The following GNG12 variants were observed in gnomAD, a reference collection of about 807,000 sequenced individuals.
GNG12 encodes the protein G protein subunit gamma 12, also known as guanine nucleotide-binding protein G(I)/G(S)/G(O) subunit gamma-12.
For synonymous variants in GNG12, 28 were observed against 29.7 expected (o/e 0.94, Z 0.19); for missense variants, 69 against 83.8 (o/e 0.82, Z 0.69).
In GNG12 at chr1:67,808,573, C is replaced by A. The variant is rs183623682; in HGVS notation, c.-77+24771G>T. 3.1e-3 allele frequency among the ~76,000 whole-genome samples: 479 copies of A among 152,146 alleles called. 3 individuals are homozygous for A. The highest frequency in any genetic ancestry group is 0.011 in the African/African-American group (468 of 41,538). ...ATCTGAAAAAACTGACAAAAAGATT[C>A]CTGGAACTAGTGAGAAATAATAGCA... On this transcript the variant is annotated intron_variant, in intron 1 of 3. Transcript: ENST00000370982.
chr1:67,830,232 C>T (rs2249990), intron 1 of GNG12, among the ~76,000 whole-genome samples: 46,082 of 151,926 alleles, frequency 0.3, 7,063 homozygotes, highest in Admixed American at 0.35. Context: ...CTTGAACTCC[C>T]GACCTCAGGT....
rs1459094935 is a variant in GNG12 at position 67,701,511 on chromosome 1, GGA to G, written c.*3938_*3939del. The G allele has an allele frequency of 2.6e-5, 4 of 152,636 alleles. No homozygotes were observed. The highest frequency in any genetic ancestry group is 9.7e-5 in the African/African-American group (4 of 41,448). The allele number at this position is 152,636 out of a possible 1,614,324, so 9.5% of individuals were successfully genotyped here. The stretch of plus-strand genomic sequence containing the variant: ...TCATTTATTGAGCAAAACACAAGTA[GGA>G]TGATACAATGAGGCACTGACGCAGT... On this transcript the variant is annotated 3_prime_UTR_variant, in exon 4 of 4. Coordinates refer to ENST00000370982, the MANE Select transcript of GNG12 (RefSeq NM_018841.6).
intron 1 of GNG12, among the ~76,000 whole-genome samples, chr1:67,799,521 G>A (rs1244578955): frequency 6.6e-6 from 1 of 152,084 alleles, no homozygotes; most frequent in Non-Finnish European, 1.5e-5. Flanking sequence ...TGACGTTCAT[G>A]GATAAACTTT....
At chr1:67,766,804 T>C (rs1349449125) in intron 2 of GNG12, among the ~76,000 whole-genome samples, 1 of 152,096 alleles carries the variant, frequency 6.6e-6, no homozygotes, top group Non-Finnish European at 1.5e-5. Flanking sequence ...GGATGGCATC[T>C]GGTGGTCAGG....
chr1:67,741,913 G>C (rs939412442), intron 2 of GNG12, among the ~76,000 whole-genome samples: 3 of 152,202 alleles, frequency 2.0e-5, no homozygotes, highest in Admixed American at 2.0e-4. Flanking sequence ...TTGGAGCTGA[G>C]TAGCAGATGC....
At chr1:67,747,974 G>A (rs1426822285) in intron 2 of GNG12, among the ~76,000 whole-genome samples, 1 of 152,176 alleles carries the variant, frequency 6.6e-6, no homozygotes, top group East Asian at 1.9e-4. Flanking sequence ...AGGATGGTGG[G>A]GCACAGTTCT....
intron 2 of GNG12, among the ~76,000 whole-genome samples, chr1:67,737,628 T>C (rs1360683724): frequency 6.6e-6 from 1 of 152,130 alleles, no homozygotes; most frequent in East Asian, 1.9e-4. Flanking sequence ...TTTTTAAATG[T>C]ATAAGCACTA....
At chr1:67,833,256 C>T (rs1432299626) in intron 1 of GNG12, 88 bp downstream of exon 1, 9 of 310,902 alleles carry the variant, frequency 2.9e-5, no homozygotes, top group African/African-American at 1.8e-4. Flanking sequence ...TCGGAGGCGG[C>T]CCCCGAACTC....
intron 1 of GNG12, among the ~76,000 whole-genome samples, chr1:67,828,921 G>T (rs948736259): frequency 1.3e-5 from 2 of 152,182 alleles, no homozygotes; most frequent in African/African-American, 2.4e-5. Flanking sequence ...CATAAAGTTG[G>T]TGCTTTTTCC....
At chr1:67,786,908 G>A (rs1646770768) in intron 1 of GNG12, among the ~76,000 whole-genome samples, 1 of 148,558 alleles carries the variant, frequency 6.7e-6, no homozygotes, top group Non-Finnish European at 1.5e-5. Flanking sequence ...CTGCACTCCA[G>A]CCTAGGTAAC....
rs551116698 is a variant in GNG12 at position 67,742,536 on chromosome 1, C to T, written c.-26-34824G>A. 5.3e-5 allele frequency among the ~76,000 whole-genome samples: 8 copies of T among 151,954 alleles called. No individual in the cohort carries two copies. In the South Asian group the frequency reaches 1.0e-3, roughly 20 times the overall value. Reference sequence around the variant, plus strand: ...TCACAATTACTCTATGAGATAAGTACGATTATTATCTCAAAAGAAGAATAA... The same window carrying T: ...TCACAATTACTCTATGAGATAAGTATGATTATTATCTCAAAAGAAGAATAA... On this transcript the variant is annotated intron_variant, in intron 2 of 3. Transcript: ENST00000370982.
intron 1 of GNG12, among the ~76,000 whole-genome samples, chr1:67,803,922 G>T (rs1557623095): frequency 6.6e-6 from 1 of 152,206 alleles, no homozygotes; most frequent in African/African-American, 2.4e-5. Context: ...GAATGAAACA[G>T]CAGTGAAGCA....
chr1:67,786,200 T>C (rs573407765), intron 1 of GNG12, among the ~76,000 whole-genome samples: 1 of 152,296 alleles, frequency 6.6e-6, no homozygotes, highest in South Asian at 2.1e-4. Context: ...CCAGTAGAAA[T>C]ATTTTTATTC....
chr1:67,769,241 G>A (rs1164024601), intron 2 of GNG12, among the ~76,000 whole-genome samples: 1 of 152,054 alleles, frequency 6.6e-6, no homozygotes, highest in Admixed American at 6.5e-5. Context: ...TGGGTTGGGG[G>A]GTCTATACTC....
chr1:67,755,526 C>A (rs777631000), intron 2 of GNG12, among the ~76,000 whole-genome samples: 8 of 152,184 alleles, frequency 5.3e-5, no homozygotes, highest in Admixed American at 1.3e-4. Flanking sequence ...GCATCGTCTT[C>A]CGGCCTCACA....
At chr1:67,771,108 T>G (rs1219602117) in intron 2 of GNG12, among the ~76,000 whole-genome samples, 2 of 152,190 alleles carry the variant, frequency 1.3e-5, no homozygotes, top group Non-Finnish European at 2.9e-5. Context: ...CTGATCAAGT[T>G]ATTATCAGGA....
chr1:67,711,887 G>C (rs1646297670), intron 2 of GNG12, among the ~76,000 whole-genome samples: 1 of 152,188 alleles, frequency 6.6e-6, no homozygotes, highest in South Asian at 2.1e-4. Context: ...GATAATTTCT[G>C]ATCATAACAT....
chr1:67,763,066 T>A (rs1417089619), intron 2 of GNG12, among the ~76,000 whole-genome samples: 1 of 105,454 alleles, frequency 9.5e-6, no homozygotes, highest in Non-Finnish European at 2.0e-5. Flanking sequence ...AACATTTTAC[T>A]ATATTTAACA....
At chr1:67,804,210 T>A (rs1253455190) in intron 1 of GNG12, among the ~76,000 whole-genome samples, 1 of 152,200 alleles carries the variant, frequency 6.6e-6, no homozygotes, top group African/African-American at 2.4e-5. Flanking sequence ...TATTACTTTC[T>A]CCAGTAACCT....
Sources: allele counts gnomAD v4.1 joint callset (sites outside exome capture counted in the v4.1 genomes callset), GRCh38; gene constraint gnomAD v4.1.1; transcripts MANE v1.5; gene names NCBI Gene and HGNC (gene_info 2026-07-23, HGNC 2026-07-21).